The following LMO7 variants were observed in gnomAD, a reference collection of about 807,000 sequenced individuals.
LMO7 encodes LIM domain only protein 7.
A neutral mutation model predicts 206.5 loss-of-function variants in LMO7; 120 were observed. That is an observed-to-expected ratio of 0.58 (90% CI 0.50 to 0.68). LMO7 has a LOEUF of 0.68. Ranked by LOEUF, LMO7 falls within the 30% of genes least tolerant of loss-of-function variation. LMO7 has a pLI of 0.00. For missense variants in LMO7, 1,959 were observed against 1,957.9 expected (o/e 1.00, Z -0.01); for synonymous variants, 706 against 681.5 (o/e 1.04, Z -0.56).
At chr13:75,672,200 C>T (rs747425083) in intron 1 of LMO7, among the ~76,000 whole-genome samples, 7 of 151,606 alleles carry the variant, frequency 4.6e-5, no homozygotes, top group Non-Finnish European at 7.4e-5. Context: ...AGCTTGACTG[C>T]CCTTATATAT....
Position 75,693,667 on chromosome 13 carries a change from G to C in LMO7, c.70-19515G>C, listed in dbSNP as rs536668346. ...CTTCTCCTCTCCTGTCAAGGCATTT[G>C]TTAGGTCTTTCCTTTCCTGCCAAAG... On this transcript the variant is annotated intron_variant, in intron 1 of 30. Coordinates refer to ENST00000377534, the MANE Select transcript of LMO7 (RefSeq NM_001306080.2). 1.4e-4 allele frequency among the ~76,000 whole-genome samples: 22 copies of C among 152,202 alleles called. 1 individual carries two copies. Among genetic ancestry groups the C allele is most frequent in the African/African-American group, 5.3e-4 (22 of 41,450 alleles).
At chr13:75,725,818 T>C (rs1250715130) in intron 2 of LMO7, among the ~76,000 whole-genome samples, 2 of 152,094 alleles carry the variant, frequency 1.3e-5, no homozygotes, top group Non-Finnish European at 2.9e-5. Flanking sequence ...AACATCTTTG[T>C]TCACCAAACT....
chr13:75,741,441 C>T (rs2046406474), intron 3 of LMO7, among the ~76,000 whole-genome samples: 1 of 152,086 alleles, frequency 6.6e-6, no homozygotes, highest in Non-Finnish European at 1.5e-5. Flanking sequence ...AAGGAAACTC[C>T]TGGCCATTGT....
At position 75,849,239 on chromosome 13, in the gene LMO7, G is replaced by A. The variant is rs764940789; in HGVS notation, c.4311G>A (p.Gln1437=). ...ACAATGACAACAGCTGGATCCGACA[G>A]CGCAGTGCCAGTGTCAACAAAGAGC... The part of the protein sequence containing the change: ...PLHNDNSWIR[Q]RSASVNKEPV... The change falls in exon 27 of 31, where the codon CAG becomes CAA. Residue 1437 remains glutamine (Q), a synonymous_variant. Transcript: ENST00000377534. 3.1e-6 allele frequency: 5 copies of A among 1,614,170 alleles called. No homozygotes were observed. The highest frequency in any genetic ancestry group is 3.4e-6 in the Non-Finnish European group (4 of 1,180,000).
intron 6 of LMO7, 105 bp downstream of exon 6, chr13:75,796,854 G>T: frequency 1.4e-6 from 1 of 716,250 alleles, no homozygotes. Context: ...AACAAATATG[G>T]CAACTCCGAC....
intron 3 of LMO7, among the ~76,000 whole-genome samples, chr13:75,740,545 A>T (rs971815951): frequency 1.3e-5 from 2 of 152,238 alleles, no homozygotes; most frequent in Non-Finnish European, 2.9e-5. Flanking sequence ...GAGCTAGTTT[A>T]AAATAACCAC....
At chr13:75,673,093 G>C (rs1227944465) in intron 1 of LMO7, among the ~76,000 whole-genome samples, 1 of 152,142 alleles carries the variant, frequency 6.6e-6, no homozygotes, top group Non-Finnish European at 1.5e-5. Context: ...GGATTCACAT[G>C]CTTTAAAATC....
chr13:75,723,521 T>C (rs1483422469), intron 2 of LMO7, among the ~76,000 whole-genome samples: 1 of 152,192 alleles, frequency 6.6e-6, no homozygotes, highest in Non-Finnish European at 1.5e-5. Context: ...AAAATGAGAT[T>C]TGGCATTTAG....
At chr13:75,809,329 A>G (rs1373620005) in intron 11 of LMO7, 146 bp downstream of exon 11, 7 of 650,430 alleles carry the variant, frequency 1.1e-5, no homozygotes, top group Non-Finnish European at 1.9e-5. Context: ...TTATCTTGCA[A>G]CCTAATGGTA....
chr13:75,766,852 A>T (rs140399792), intron 4 of LMO7, among the ~76,000 whole-genome samples: 1 of 152,088 alleles, frequency 6.6e-6, no homozygotes. Flanking sequence ...ACTGGATTTC[A>T]ATTACAAAGA....
At chr13:75,679,096 C>T (rs1232288890) in intron 1 of LMO7, among the ~76,000 whole-genome samples, 1 of 152,160 alleles carries the variant, frequency 6.6e-6, no homozygotes, top group African/African-American at 2.4e-5. Flanking sequence ...TTTTTCCCCC[C>T]TTTCTTTTCA....
chr13:75,824,412 C>G (rs1483485001), intron 15 of LMO7, among the ~76,000 whole-genome samples: 1 of 152,078 alleles, frequency 6.6e-6, no homozygotes, highest in Non-Finnish European at 1.5e-5. Flanking sequence ...TCCCTTGTCT[C>G]TAAATGGGAC....
chr13:75,646,435 A>G (rs1268194810), intron 1 of LMO7, among the ~76,000 whole-genome samples: 4 of 152,160 alleles, frequency 2.6e-5, no homozygotes, highest in African/African-American at 9.7e-5. Flanking sequence ...TACATTAAGA[A>G]TAAAGTCTGA....
intron 3 of LMO7, among the ~76,000 whole-genome samples, chr13:75,733,673 A>T (rs1025160715): frequency 6.6e-6 from 1 of 152,184 alleles, no homozygotes; most frequent in African/African-American, 2.4e-5. Context: ...AGTGAGATGA[A>T]CACGGTACTG....
intron 3 of LMO7, among the ~76,000 whole-genome samples, chr13:75,738,463 G>A (rs1235250854): frequency 1.3e-5 from 2 of 152,062 alleles, no homozygotes; most frequent in Non-Finnish European, 2.9e-5. Flanking sequence ...TTTTTTCTTT[G>A]GGAGGACAGT....
intron 11 of LMO7, among the ~76,000 whole-genome samples, chr13:75,815,989 T>G (rs2056943200): frequency 6.6e-6 from 1 of 152,196 alleles, no homozygotes; most frequent in African/African-American, 2.4e-5. Flanking sequence ...ACAAAATCCC[T>G]TCTAGATATT....
intron 4 of LMO7, among the ~76,000 whole-genome samples, chr13:75,793,091 A>G (rs1354877597): frequency 6.6e-6 from 1 of 152,098 alleles, no homozygotes; most frequent in African/African-American, 2.4e-5. Context: ...TGTTCAGCCC[A>G]GTGCATTCTT....
At chr13:75,681,622 T>G (rs1321957438) in intron 1 of LMO7, among the ~76,000 whole-genome samples, 3 of 150,566 alleles carry the variant, frequency 2.0e-5, no homozygotes, top group Non-Finnish European at 4.4e-5. Context: ...CCCTCTGCCC[T>G]GGCAACCCCT....
intron 2 of LMO7, chr13:75,627,596 CAA>C (rs1415167057): frequency 1.1e-5 from 1 of 92,762 alleles, no homozygotes; most frequent in African/African-American, 3.6e-5. Flanking sequence ...AAAACATAAA[CAA>C]ACACACACAC....
Sources: allele counts gnomAD v4.1 joint callset (sites outside exome capture counted in the v4.1 genomes callset), GRCh38; gene constraint gnomAD v4.1.1; transcripts MANE v1.5; gene names NCBI Gene and HGNC (gene_info 2026-07-23, HGNC 2026-07-21).